The following PDK1 variants were observed in gnomAD, a reference collection of about 807,000 sequenced individuals.
The protein encoded by PDK1 is pyruvate dehydrogenase kinase 1, also known as [Pyruvate dehydrogenase (acetyl-transferring)] kinase isozyme 1, mitochondrial.
Under a neutral mutation model 54.2 loss-of-function variants are expected in PDK1, and 39 were observed. The observed-to-expected ratio is 0.72, with a 90% CI of 0.56 to 0.94. PDK1 has a LOEUF of 0.94. Ranked by LOEUF, PDK1 falls within the 40% of genes least tolerant of loss-of-function variation. The pLI is 0.00. For synonymous variants in PDK1, 221 were observed against 207.1 expected (o/e 1.07, Z -0.58); for missense variants, 552 against 566.0 (o/e 0.98, Z 0.25).
chr2:172,699,067 G>C, the PDK1 span, among the ~76,000 whole-genome samples: 1 of 152,160 alleles, frequency 6.6e-6, no homozygotes, highest in Non-Finnish European at 1.5e-5. Context: ...TATTTCAAAA[G>C]CACATTAACA....
At chr2:172,614,182 C>G in the PDK1 span, among the ~76,000 whole-genome samples, 2 of 149,240 alleles carry the variant, frequency 1.3e-5, no homozygotes, top group African/African-American at 2.5e-5. Context: ...ACCCCCCCCC[C>G]CAACCCCCAT....
the PDK1 span, among the ~76,000 whole-genome samples, chr2:172,688,309 T>C: frequency 2.7e-5 from 4 of 150,366 alleles, no homozygotes; most frequent in East Asian, 7.7e-4. Flanking sequence ...CTCCCATACC[T>C]CCTGCACTGT....
At chr2:172,683,447 G>A in the PDK1 span, among the ~76,000 whole-genome samples, 14 of 152,124 alleles carry the variant, frequency 9.2e-5, no homozygotes, top group Non-Finnish European at 1.6e-4. Context: ...TCAGCTTCTG[G>A]GGAGGCCTCA....
At chr2:172,708,614 G>T in the PDK1 span, among the ~76,000 whole-genome samples, 1 of 152,160 alleles carries the variant, frequency 6.6e-6, no homozygotes. Flanking sequence ...ATTGATACAG[G>T]TTGAGTATTC....
chr2:172,685,971 T>C, the PDK1 span, among the ~76,000 whole-genome samples: 1 of 152,208 alleles, frequency 6.6e-6, no homozygotes, highest in Non-Finnish European at 1.5e-5. Flanking sequence ...TCCTGAGAAA[T>C]CAACCTCAAA....
downstream of PDK1, among the ~76,000 whole-genome samples, chr2:172,610,350 C>T (rs1469589055): frequency 6.6e-6 from 1 of 152,104 alleles, no homozygotes; most frequent in Non-Finnish European, 1.5e-5. Flanking sequence ...CCTGCCCCTA[C>T]GATGCCTCTC....
the PDK1 span, among the ~76,000 whole-genome samples, chr2:172,615,737 A>G: frequency 2.0e-5 from 3 of 152,226 alleles, no homozygotes; most frequent in Non-Finnish European, 2.9e-5. Flanking sequence ...AAACAAATCA[A>G]TTATGCAAAA....
chr2:172,605,639 T>C lies in PDK1; in HGVS notation c.*9670T>C, dbSNP rs1574554911. 6.6e-6 allele frequency: 1 copy of C among 152,398 alleles called. No individual in the cohort carries two copies. The highest frequency in any genetic ancestry group is 1.9e-4 in the East Asian group (1 of 5,184). 9.4% of individuals were successfully genotyped at this position (152,398 alleles called of 1,614,324 possible). On this transcript the variant is annotated 3_prime_UTR_variant, in exon 11 of 11. Transcript: ENST00000282077. ...ATCCTCCTGCCTTGGCCTCCCAAAG[T>C]GTTGGGATAGCAGGCATGAACCACC...
intron 1 of PDK1, among the ~76,000 whole-genome samples, chr2:172,557,235 G>T (rs936932786): frequency 6.6e-6 from 1 of 152,166 alleles, no homozygotes; most frequent in Admixed American, 6.5e-5. Flanking sequence ...AGGAAGGGGC[G>T]AATTTGGTGG....
At chr2:172,613,799 G>T in the PDK1 span, among the ~76,000 whole-genome samples, 2 of 152,186 alleles carry the variant, frequency 1.3e-5, no homozygotes, top group Non-Finnish European at 1.5e-5. Context: ...CTCCTTCTGA[G>T]TTGGGACAGG....
At chr2:172,652,842 C>T in the PDK1 span, among the ~76,000 whole-genome samples, 1 of 152,212 alleles carries the variant, frequency 6.6e-6, no homozygotes, top group Non-Finnish European at 1.5e-5. Context: ...AATGGAAGGA[C>T]ATTCCATGCT....
the PDK1 span, among the ~76,000 whole-genome samples, chr2:172,668,924 GAGAGAGAGAGAGAGAA>G: frequency 1.4e-3 from 207 of 146,598 alleles, 1 homozygote; most frequent in African/African-American, 4.5e-3. Flanking sequence ...GAGAGAGAGA[GAGAGAGAGAGAGAGAA>G]AGAGAGAGAG....
chr2:172,556,386 C>G, intron 1 of PDK1, 40 bp downstream of exon 1: 1 of 1,350,820 alleles, frequency 7.4e-7, no homozygotes, highest in African/African-American at 1.5e-5. Flanking sequence ...TTGCGCGGTC[C>G]CGGGCGGGGA....
chr2:172,593,075 A>G (rs1457779579), intron 10 of PDK1, 27 bp downstream of exon 10: 1 of 1,168,870 alleles, frequency 8.6e-7, no homozygotes, highest in South Asian at 1.3e-5. Context: ...TCTTGATTTA[A>G]TATTTCTTTT....
At chr2:172,633,865 T>C in the PDK1 span, among the ~76,000 whole-genome samples, 2 of 126,874 alleles carry the variant, frequency 1.6e-5, no homozygotes, top group Admixed American at 9.8e-5. Context: ...CTTTAGTCTA[T>C]GATTTTTTTT....
the PDK1 span, among the ~76,000 whole-genome samples, chr2:172,622,495 CTCAT>C: frequency 1.7e-5 from 2 of 120,126 alleles, no homozygotes; most frequent in South Asian, 3.7e-4. Context: ...ATGTTTATAT[CTCAT>C]ATATTATGTG....
At chr2:172,637,563 A>C in the PDK1 span, among the ~76,000 whole-genome samples, 1 of 152,242 alleles carries the variant, frequency 6.6e-6, no homozygotes, top group Non-Finnish European at 1.5e-5. Flanking sequence ...TCCCATTTTA[A>C]TCCACTTTTC....
chr2:172,640,991 C>CT, the PDK1 span, among the ~76,000 whole-genome samples: 2 of 67,346 alleles, frequency 3.0e-5, no homozygotes, highest in African/African-American at 8.8e-5. Context: ...TTCTTTCTTT[C>CT]TTTCTTTTTC....
intron 8 of PDK1, among the ~76,000 whole-genome samples, chr2:172,572,599 G>T (rs186975725): frequency 2.0e-5 from 3 of 152,064 alleles, no homozygotes; most frequent in Non-Finnish European, 4.4e-5. Context: ...GGTGGCAGGC[G>T]CCTGTAATCC....
Sources: gnomAD v4.1 joint callset for allele counts (sites outside exome capture counted in the v4.1 genomes callset) on GRCh38, gnomAD v4.1.1 for gene constraint, MANE v1.5 for transcripts, NCBI Gene and HGNC (gene_info 2026-07-23, HGNC 2026-07-21) for gene names.